Variants in FAT3 observed in about 807,000 individuals in gnomAD.
FAT3 encodes FAT atypical cadherin 3.
Under a neutral mutation model 310.2 loss-of-function variants are expected in FAT3, and 95 were observed. That is an observed-to-expected ratio of 0.31 (90% CI 0.26 to 0.36). The LOEUF (loss-of-function observed/expected upper bound fraction) is 0.36, where lower values mean the gene tolerates loss of function less well. Ranked by LOEUF, FAT3 falls within the 10% of genes least tolerant of loss-of-function variation. The pLI, the probability that FAT3 is intolerant of heterozygous loss-of-function variation, is 1.00. For synonymous variants in FAT3, 2,314 were observed against 2,192.9 expected, an observed-to-expected ratio of 1.06 and a Z score of -1.54; for missense variants, 5,408 against 5,715.6, an observed-to-expected ratio of 0.95 and a Z score of 1.74.
At chr11:92,760,665 C>G (rs1946126446) in intron 4 of FAT3, among the ~76,000 whole-genome samples, 1 of 152,102 alleles carries the variant, frequency 6.6e-6, no homozygotes, top group Non-Finnish European at 1.5e-5. Context: ...ATAAATAAAC[C>G]TGCTTCACTT....
intron 3 of FAT3, among the ~76,000 whole-genome samples, chr11:92,640,307 G>A (rs1941912588): frequency 6.6e-6 from 1 of 152,080 alleles, no homozygotes; most frequent in Non-Finnish European, 1.5e-5. Flanking sequence ...AGAACCACCA[G>A]CCAGGGTGAG....
chr11:92,808,058 G>A (rs1359932080), intron 12 of FAT3, among the ~76,000 whole-genome samples: 3 of 152,132 alleles, frequency 2.0e-5, no homozygotes, highest in Admixed American at 1.3e-4. Flanking sequence ...AGCTACATGG[G>A]AATATACTAC....
intron 27 of FAT3, among the ~76,000 whole-genome samples, chr11:92,890,237 C>T (rs1045228001): frequency 6.6e-6 from 1 of 152,174 alleles, no homozygotes; most frequent in Non-Finnish European, 1.5e-5. Context: ...GTCTCCTCGG[C>T]GTGCCCTCGC....
At chr11:92,603,744 C>G (rs1450059691) in intron 3 of FAT3, among the ~76,000 whole-genome samples, 1 of 152,098 alleles carries the variant, frequency 6.6e-6, no homozygotes, top group East Asian at 1.9e-4. Flanking sequence ...TGTAAACAGT[C>G]CACCAGATTG....
At chr11:92,444,747 G>A (rs1345254868) in intron 2 of FAT3, among the ~76,000 whole-genome samples, 1 of 151,886 alleles carries the variant, frequency 6.6e-6, no homozygotes, top group Admixed American at 6.6e-5. Flanking sequence ...ATAGCAGTCA[G>A]GACATCTGAT....
chr11:92,566,770 A>G (rs1328532840), intron 3 of FAT3, among the ~76,000 whole-genome samples: 8 of 152,202 alleles, frequency 5.3e-5, no homozygotes, highest in Admixed American at 5.2e-4. Flanking sequence ...CAAACCTGAG[A>G]AAAACAAGCA....
At chr11:92,537,143 A>C (rs1954286732) in intron 3 of FAT3, among the ~76,000 whole-genome samples, 3 of 152,100 alleles carry the variant, frequency 2.0e-5, no homozygotes, top group Admixed American at 2.0e-4. Context: ...CATCCATTTC[A>C]ACCTAACCCT....
intron 3 of FAT3, among the ~76,000 whole-genome samples, chr11:92,666,409 T>C (rs971744092): frequency 6.6e-6 from 1 of 150,896 alleles, no homozygotes; most frequent in African/African-American, 2.4e-5. Flanking sequence ...TGGAGTGCAG[T>C]GGCCTGATCT....
At chr11:92,863,647 C>T (rs1949171587) in intron 21 of FAT3, among the ~76,000 whole-genome samples, 1 of 152,212 alleles carries the variant, frequency 6.6e-6, no homozygotes, top group Non-Finnish European at 1.5e-5. Flanking sequence ...CAGTTTCATG[C>T]ACACCTCAAT....
At chr11:92,418,904 T>TA (rs1950477950) in intron 2 of FAT3, among the ~76,000 whole-genome samples, 1 of 152,186 alleles carries the variant, frequency 6.6e-6, no homozygotes, top group African/African-American at 2.4e-5. Flanking sequence ...AAATTGTGCC[T>TA]ATGATAGCTT....
At chr11:92,679,247 A>G (rs569249304) in intron 3 of FAT3, among the ~76,000 whole-genome samples, 2 of 152,246 alleles carry the variant, frequency 1.3e-5, no homozygotes, top group East Asian at 3.9e-4. Flanking sequence ...TAGTGCTACA[A>G]TAAACATATG....
chr11:92,686,892 A>G (rs1943648747), intron 3 of FAT3, among the ~76,000 whole-genome samples: 1 of 152,300 alleles, frequency 6.6e-6, no homozygotes, highest in Admixed American at 6.5e-5. Context: ...GAAACAAATC[A>G]TTTACAGTGA....
intron 3 of FAT3, among the ~76,000 whole-genome samples, chr11:92,595,830 G>A (rs957061616): frequency 3.3e-5 from 5 of 152,166 alleles, no homozygotes; most frequent in Admixed American, 1.3e-4. Context: ...CATGTTTTGC[G>A]GGAATAGTGT....
intron 3 of FAT3, among the ~76,000 whole-genome samples, chr11:92,593,988 C>A (rs1765497278): frequency 1.3e-5 from 2 of 152,158 alleles, no homozygotes; most frequent in South Asian, 4.1e-4. Flanking sequence ...ACATGAGAAG[C>A]AAGGACCCCT....
At chr11:92,371,370 A>G (rs1240598043) in intron 2 of FAT3, among the ~76,000 whole-genome samples, 1 of 149,740 alleles carries the variant, frequency 6.7e-6, no homozygotes, top group Non-Finnish European at 1.5e-5. Flanking sequence ...CTGAAGGCTT[A>G]ATCTTGGGAC....
intron 2 of FAT3, among the ~76,000 whole-genome samples, chr11:92,399,852 C>T (rs372887225): frequency 1.3e-5 from 2 of 152,248 alleles, no homozygotes; most frequent in African/African-American, 4.8e-5. Flanking sequence ...CACTAATATC[C>T]GTGTATTCAC....
At chr11:92,599,173 C>T (rs1364423056) in intron 3 of FAT3, among the ~76,000 whole-genome samples, 1 of 152,158 alleles carries the variant, frequency 6.6e-6, no homozygotes, top group African/African-American at 2.4e-5. Flanking sequence ...CTGATAAAGA[C>T]ATACCCAAGA....
At chr11:92,686,725 C>T (rs564974530) in intron 3 of FAT3, among the ~76,000 whole-genome samples, 29 of 152,228 alleles carry the variant, frequency 1.9e-4, no homozygotes, top group African/African-American at 6.7e-4. Flanking sequence ...AAACATCACT[C>T]CTACCTAAGG....
At chr11:92,299,089 C>A (rs1946924962) in intron 1 of FAT3, among the ~76,000 whole-genome samples, 1 of 152,020 alleles carries the variant, frequency 6.6e-6, no homozygotes, top group Admixed American at 6.6e-5. Context: ...CTTCCATAAG[C>A]ATCATGCCTA....
Sources: gnomAD v4.1 joint callset for allele counts (sites outside exome capture counted in the v4.1 genomes callset) on GRCh38, gnomAD v4.1.1 for gene constraint, MANE v1.5 for transcripts, NCBI Gene and HGNC (gene_info 2026-07-23, HGNC 2026-07-21) for gene names.